The following MRO variants were observed in gnomAD, a reference collection of about 807,000 sequenced individuals.
MRO encodes the protein maestro, also known as protein maestro.
Under a neutral mutation model 31.0 loss-of-function variants are expected in MRO, and 28 were observed. That is an observed-to-expected ratio of 0.90 (90% CI 0.67 to 1.24). MRO has a LOEUF of 1.24. Among genes scored for constraint, MRO ranks in the 50% most tolerant of loss-of-function variants. MRO has a pLI of 0.00. For synonymous variants in MRO, 108 were observed against 108.4 expected, an observed-to-expected ratio of 1.00 and a Z score of 0.02; for missense variants, 332 against 289.2, an observed-to-expected ratio of 1.15 and a Z score of -1.07.
chr18:50,819,765 C>A, intron 1 of MRO, 63 bp from the exon 2 acceptor site: 1 of 1,548,192 alleles, frequency 6.5e-7, no homozygotes, highest in Non-Finnish European at 8.7e-7. Context: ...CGGGTCGGCA[C>A]AGAGTGTTGG....
chr18:50,813,284 G>A (rs1462677576), intron 2 of MRO, among the ~76,000 whole-genome samples: 1 of 152,186 alleles, frequency 6.6e-6, no homozygotes, highest in Non-Finnish European at 1.5e-5. Context: ...TCTCACCACT[G>A]CAATGGGGCA....
chr18:50,820,483 TG>T (rs1485692913), upstream of MRO, among the ~76,000 whole-genome samples: 1 of 152,198 alleles, frequency 6.6e-6, no homozygotes, highest in Non-Finnish European at 1.5e-5. Context: ...CGCTCTGCAT[TG>T]GGTCATAAAG....
Position 50,814,018 on chromosome 18 carries a change from G to C in MRO, c.-4-4614C>G, listed in dbSNP as rs547609406. Among the ~76,000 whole-genome samples, 7 of 152,132 alleles carry C rather than the reference G, an allele frequency of 4.6e-5. No individual in the cohort carries two copies. The East Asian group carries it at 1.4e-3, about 29-fold the overall frequency. On this transcript the variant is annotated intron_variant, in intron 2 of 7. Transcript: ENST00000398439. ...AATTTAAAAATTTTAAATTCACATAGAGTCAAAAAACATGCTTGGTTGTTT... is the reference window on the plus strand; with the variant it reads ...AATTTAAAAATTTTAAATTCACATACAGTCAAAAAACATGCTTGGTTGTTT...
Position 50,806,911 on chromosome 18 carries a change from C to G in MRO, c.100-61G>C. 2.0e-6 allele frequency: 3 copies of G among 1,492,814 alleles called. No homozygotes were observed. In the South Asian group the frequency reaches 3.5e-5, roughly 18 times the overall value. The allele number at this position is 1,492,814 out of a possible 1,614,324, so 92.5% of individuals were successfully genotyped here. A position where few individuals can be genotyped will look rare whatever the true frequency, so the allele number is the denominator to read the frequency against. On this transcript the variant is annotated intron_variant, in intron 3 of 7. Transcript: ENST00000398439. ...TGTTCAGAGTCATACCAATCCCAAC[C>G]CCAATCTCTCCCTCTAAAGAAAATC...
intron 1 of MRO, among the ~76,000 whole-genome samples, chr18:50,825,074 T>TA (rs11451139): frequency 0.29 from 41,170 of 141,620 alleles, 5,900 homozygotes; most frequent in Non-Finnish European, 0.31. Context: ...GATTCCATCT[T>TA]AAAAAAAAAA....
intron 2 of MRO, among the ~76,000 whole-genome samples, chr18:50,810,123 C>T (rs1439834287): frequency 6.6e-6 from 1 of 152,140 alleles, no homozygotes; most frequent in Non-Finnish European, 1.5e-5. Context: ...TGCCACCACG[C>T]CCAATTAATT....
In MRO at chr18:50,806,833, C is replaced by G. The variant is rs4940019; in HGVS notation, c.117G>C (p.Arg39Ser). The G allele has an allele frequency of 0.48, 782,568 of 1,613,614 alleles. 195,310 individuals carry two copies. The highest frequency in any genetic ancestry group is 0.71 in the Admixed American group (42,834 of 59,982). The change falls in exon 4 of 8, where the codon AGG becomes AGC. Residue 39 changes from arginine (R) to serine (S), a missense_variant. Physicochemically the swap from Arg to Ser is moderately radical, Grantham distance 110. Coordinates refer to ENST00000398439, the MANE Select transcript of MRO (RefSeq NM_031939.6). Reference sequence around the variant, plus strand: ...TCTTCAGAGGCTCCCGCTTCTGGAACCTCAGTTTCCAAGAGACCTGGGTGA... The same window carrying G: ...TCTTCAGAGGCTCCCGCTTCTGGAAGCTCAGTTTCCAAGAGACCTGGGTGA... ...SFFSKVSWKL[R>S]FQKREPLKNV...
chr18:50,805,108 A>C (rs528282416), intron 5 of MRO, 46 bp downstream of exon 5: 2 of 1,520,778 alleles, frequency 1.3e-6, no homozygotes, highest in African/African-American at 1.4e-5. Context: ...CATATTTCTA[A>C]GCCCATTTTG....
upstream of MRO, among the ~76,000 whole-genome samples, chr18:50,821,923 T>A (rs1915318323): frequency 6.6e-6 from 1 of 152,110 alleles, no homozygotes; most frequent in Admixed American, 6.5e-5. Flanking sequence ...CCCTAGAGAA[T>A]CCCAGACACA....
rs1002854182 is a variant in MRO, at chr18:50,798,716, T to G, written c.*621A>C. 6.6e-6 allele frequency: 1 copy of G among 152,234 alleles called. No homozygotes were observed. Among genetic ancestry groups the G allele is most frequent in the African/African-American group, 2.4e-5 (1 of 41,442 alleles). 9.4% of individuals were successfully genotyped at this position (152,234 alleles called of 1,614,324 possible). On this transcript the variant is annotated 3_prime_UTR_variant, in exon 8 of 8. Coordinates refer to ENST00000398439, the MANE Select transcript of MRO (RefSeq NM_031939.6). Reference sequence around the variant, plus strand: ...CGTAAGTTATCATGAGCCTGAGGATTTTCAACACATGCTTTATAGATTTTT... The same window carrying G: ...CGTAAGTTATCATGAGCCTGAGGATGTTCAACACATGCTTTATAGATTTTT...
upstream of MRO, among the ~76,000 whole-genome samples, chr18:50,824,339 G>T (rs1172642298): frequency 6.6e-6 from 1 of 152,106 alleles, no homozygotes; most frequent in Non-Finnish European, 1.5e-5. Flanking sequence ...TACTTAGGAG[G>T]CTAAGGCAGG....
chr18:50,820,330 T>A (rs114122947), upstream of MRO, among the ~76,000 whole-genome samples: 850 of 152,204 alleles, frequency 5.6e-3, 12 homozygotes, highest in African/African-American at 0.02. Context: ...TCAAAATGAT[T>A]TATTGGTAAA....
At chr18:50,815,832 G>T (rs537366894) in intron 2 of MRO, 103 of 210,838 alleles carry the variant, frequency 4.9e-4, no homozygotes, top group African/African-American at 2.3e-3. Context: ...TCAGGAGTTC[G>T]AGACCAGTCT....
At chr18:50,813,063 C>T (rs978075983) in intron 2 of MRO, among the ~76,000 whole-genome samples, 1 of 152,148 alleles carries the variant, frequency 6.6e-6, no homozygotes, top group Non-Finnish European at 1.5e-5. Flanking sequence ...GCAACCTGAC[C>T]CTTTTCAACA....
chr18:50,800,787 G>A (rs766741365), intron 6 of MRO, among the ~76,000 whole-genome samples: 5 of 151,772 alleles, frequency 3.3e-5, no homozygotes, highest in Admixed American at 6.6e-5. Flanking sequence ...TCAGGAGGTT[G>A]AGGCAGGAGA....
upstream of MRO, among the ~76,000 whole-genome samples, chr18:50,824,763 T>G (rs1363481201): frequency 6.8e-6 from 1 of 147,640 alleles, no homozygotes; most frequent in Admixed American, 6.7e-5. Flanking sequence ...CAAGACACTG[T>G]CTTTTAAAAA....
chr18:50,817,994 A>ACCCCCCCCC (rs1283098232), intron 2 of MRO, among the ~76,000 whole-genome samples: 1 of 109,732 alleles, frequency 9.1e-6, no homozygotes, highest in Non-Finnish European at 1.9e-5. Flanking sequence ...AAGAACTCCC[A>ACCCCCCCCC]CCCCCCGCCC....
intron 2 of MRO, 136 bp downstream of exon 2, chr18:50,819,445 T>C (rs887386937): frequency 6.2e-6 from 9 of 1,440,070 alleles, no homozygotes; most frequent in African/African-American, 1.4e-5. Flanking sequence ...AAGAGAACAT[T>C]ACCAAATCCT....
Position 50,815,376 on chromosome 18 carries a change from T to C in MRO, c.-5+4205A>G, listed in dbSNP as rs72927730. On this transcript the variant is annotated intron_variant, in intron 2 of 7. Coordinates refer to ENST00000398439, the MANE Select transcript of MRO (RefSeq NM_031939.6). ...AAGGAGGCTATGGTGGTGAAGGTGA[T>C]GGTAGCAGAGACAGTTATGCAGGAG... The C allele has an allele frequency of 1.5e-3, 374 of 257,470 alleles. 1 individual carries two copies. The highest frequency in any genetic ancestry group is 2.4e-3 in the Non-Finnish European group (309 of 126,712). 15.9% of individuals were successfully genotyped at this position (257,470 alleles called of 1,614,324 possible).
Sources: gnomAD v4.1 joint callset for allele counts (sites outside exome capture counted in the v4.1 genomes callset) on GRCh38, gnomAD v4.1.1 for gene constraint, MANE v1.5 for transcripts, NCBI Gene and HGNC (gene_info 2026-07-23, HGNC 2026-07-21) for gene names.